INO80: variants seen among roughly 807,000 people sequenced by gnomAD.
INO80 encodes chromatin-remodeling ATPase INO80.
INO80 carries 20 observed loss-of-function variants against 203.4 expected under a neutral mutation model. The ratio of observed to expected loss-of-function variants is 0.10; its 90% CI spans 0.07 to 0.14. The LOEUF is 0.14. INO80 is among the 10% of genes least tolerant of loss of function. The pLI, the probability that INO80 is intolerant of heterozygous loss-of-function variation, is 1.00. For synonymous variants in INO80, 726 were observed against 685.2 expected (o/e 1.06, Z -0.93); for missense variants, 1,419 against 1,914.4 (o/e 0.74, Z 4.83).
At chr15:41,035,821 C>CAAAAA (rs71104768) in intron 24 of INO80, among the ~76,000 whole-genome samples, 1 of 20,152 alleles carries the variant, frequency 5.0e-5, no homozygotes, top group Non-Finnish European at 7.6e-5. Context: ...GACTCTGTCT[C>CAAAAA]AAAAAAAAAA....
chr15:41,007,485 A>T (rs1467141145), intron 27 of INO80, among the ~76,000 whole-genome samples: 5 of 151,846 alleles, frequency 3.3e-5, no homozygotes, highest in Non-Finnish European at 7.4e-5. Context: ...GCCAAGCCTG[A>T]TTTGCCTTTT....
At chr15:41,003,724 C>T (rs756444905) in intron 28 of INO80, among the ~76,000 whole-genome samples, 2 of 152,118 alleles carry the variant, frequency 1.3e-5, no homozygotes, top group Admixed American at 6.6e-5. Context: ...AAAAACAAAA[C>T]ATTACTGTTA....
intron 7 of INO80, among the ~76,000 whole-genome samples, chr15:41,082,531 T>C (rs1353104407): frequency 6.6e-6 from 1 of 151,954 alleles, no homozygotes; most frequent in African/African-American, 2.4e-5. Flanking sequence ...TGAATCCCCG[T>C]CTCTACTAAA....
At chr15:41,093,009 T>C (rs1596323008) in intron 4 of INO80, among the ~76,000 whole-genome samples, 1 of 152,066 alleles carries the variant, frequency 6.6e-6, no homozygotes, top group East Asian at 1.9e-4. Flanking sequence ...CACTCCAACC[T>C]AGGAAACAGA....
intron 24 of INO80, among the ~76,000 whole-genome samples, chr15:41,032,866 C>T (rs571007354): frequency 8.6e-5 from 13 of 151,980 alleles, no homozygotes; most frequent in Non-Finnish European, 1.2e-4. Flanking sequence ...AATGAAACCC[C>T]GTCTCTACTA....
intron 25 of INO80, among the ~76,000 whole-genome samples, chr15:41,024,867 A>G (rs765220475): frequency 1.2e-4 from 19 of 152,360 alleles, no homozygotes. Flanking sequence ...AGAAGTCAAT[A>G]TAAGATATAA....
rs549473757 is a variant in INO80 at position 41,033,737 on chromosome 15, C to A, written c.2908-6001G>T. Among the ~76,000 whole-genome samples the A allele has an allele frequency of 3.2e-4, 49 of 152,220 alleles. 2 individuals carry two copies. The South Asian group carries it at 9.5e-3, about 30-fold the overall frequency. ...GGAAATCTCTGAAAAGTATTCACAT[C>A]AATTAAGAGATTTTTTAAAAACCCC... On this transcript the variant is annotated intron_variant, in intron 24 of 35. Transcript: ENST00000648947.
intron 10 of INO80, among the ~76,000 whole-genome samples, chr15:41,073,954 C>G (rs899003149): frequency 2.6e-5 from 4 of 152,140 alleles, no homozygotes; most frequent in Admixed American, 2.0e-4. Flanking sequence ...TCCTCTCAAA[C>G]TTCATCCCAA....
intron 14 of INO80, among the ~76,000 whole-genome samples, chr15:41,062,821 G>A (rs1433968054): frequency 6.6e-6 from 1 of 152,116 alleles, no homozygotes; most frequent in Non-Finnish European, 1.5e-5. Context: ...GACTTCTCAG[G>A]CCCTCTGGAA....
At chr15:41,112,867 T>C (rs117993504) in intron 1 of INO80, among the ~76,000 whole-genome samples, 3,179 of 151,740 alleles carry the variant, frequency 0.021, 57 homozygotes, top group Non-Finnish European at 0.031. Flanking sequence ...CCAACCCACT[T>C]TGTCCACTCT....
intron 14 of INO80, among the ~76,000 whole-genome samples, chr15:41,060,549 T>C (rs1436801805): frequency 6.6e-6 from 1 of 151,118 alleles, no homozygotes; most frequent in Admixed American, 6.6e-5. Context: ...AGCAAGACTT[T>C]GTCTCAGGAA....
At chr15:41,004,089 G>A (rs572061393) in intron 28 of INO80, among the ~76,000 whole-genome samples, 1 of 152,302 alleles carries the variant, frequency 6.6e-6, no homozygotes, top group South Asian at 2.1e-4. Flanking sequence ...GGAATAAGGA[G>A]GCACAATGCT....
intron 7 of INO80, among the ~76,000 whole-genome samples, chr15:41,082,201 G>T (rs1189245881): frequency 7.0e-6 from 1 of 141,942 alleles, no homozygotes; most frequent in Non-Finnish European, 1.5e-5. Flanking sequence ...AGTGAGCCGA[G>T]ATCGTACCAC....
rs538213381 is a variant in INO80 at position 41,042,412 on chromosome 15, G to A, written c.2907+2492C>T. ...AATGATACTCTCACCTTGGCCTTCCGAAGTGCTAGGATTACAGGCCCAAGC... is the reference window on the plus strand; with the variant it reads ...AATGATACTCTCACCTTGGCCTTCCAAAGTGCTAGGATTACAGGCCCAAGC... On this transcript the variant is annotated intron_variant, in intron 24 of 35. Transcript: ENST00000648947. Among the ~76,000 whole-genome samples, 18 of 152,048 alleles carry A rather than the reference G, an allele frequency of 1.2e-4. No individual in the cohort carries two copies. The East Asian group carries it at 1.6e-3, about 13-fold the overall frequency.
intron 5 of INO80, among the ~76,000 whole-genome samples, chr15:41,090,247 G>A (rs894139349): frequency 2.0e-5 from 3 of 152,210 alleles, no homozygotes; most frequent in African/African-American, 4.8e-5. Flanking sequence ...GATTGCATTT[G>A]TATGAAATGT....
In INO80 at chr15:41,055,634, G is replaced by A. The variant is rs16971440; in HGVS notation, c.2071-270C>T. ...AAAGCGCAAGTCATGCTCAGATTTT[G>A]CAATGGGATAGTTTTAACGATCTTC... On this transcript the variant is annotated intron_variant, in intron 17 of 35. Coordinates refer to ENST00000648947, the MANE Select transcript of INO80 (RefSeq NM_017553.3). Among the ~76,000 whole-genome samples, 599 of 152,304 alleles carry A rather than the reference G, an allele frequency of 3.9e-3. 8 individuals carry two copies. The highest frequency in any genetic ancestry group is 0.014 in the African/African-American group (577 of 41,562).
At chr15:41,058,907 T>C (rs1424406211) in intron 15 of INO80, 126 bp from the exon 16 acceptor site, 13 of 833,392 alleles carry the variant, frequency 1.6e-5, no homozygotes, top group African/African-American at 6.9e-5. Flanking sequence ...TTCTCCCATA[T>C]GGTAGGGAGA....
chr15:41,049,511 G>C (rs2140529353), intron 20 of INO80, 91 bp from the exon 21 acceptor site: 1 of 1,193,604 alleles, frequency 8.4e-7, no homozygotes, highest in Non-Finnish European at 1.2e-6. Context: ...GTTTACCTTT[G>C]GGAATGGATA....
At chr15:40,982,801 A>C in intron 35 of INO80, 61 bp downstream of exon 35, 1 of 1,377,030 alleles carries the variant, frequency 7.3e-7, no homozygotes, top group Non-Finnish European at 1.0e-6. Context: ...TACCTGACTG[A>C]CAGAATTTCT....
Sources: allele counts gnomAD v4.1 joint callset (sites outside exome capture counted in the v4.1 genomes callset), GRCh38; gene constraint gnomAD v4.1.1; transcripts MANE v1.5; gene names NCBI Gene and HGNC (gene_info 2026-07-23, HGNC 2026-07-21).